The following CIITA variants were observed in gnomAD, a reference collection of about 807,000 sequenced individuals.
CIITA encodes the protein class II major histocompatibility complex transactivator, also known as MHC class II transactivator.
CIITA carries 72 observed loss-of-function variants against 115.1 expected under a neutral mutation model. The observed-to-expected ratio is 0.63, with a 90% CI of 0.52 to 0.76. The LOEUF is 0.76. Among genes scored for constraint, CIITA ranks in the 30% least tolerant of loss-of-function variants. CIITA has a pLI of 0.00. For missense variants in CIITA, 1,617 were observed against 1,463.8 expected (o/e 1.10, Z -1.71); for synonymous variants, 763 against 635.6 (o/e 1.20, Z -3.02).
chr16:10,899,039 T>C (rs1365302466), intron 5 of CIITA, 37 bp downstream of exon 5: 2 of 1,602,636 alleles, frequency 1.2e-6, no homozygotes, highest in Non-Finnish European at 1.7e-6. Flanking sequence ...CTAGCCTTGC[T>C]TGAGACCTGG....
At chr16:10,912,529 A>C (rs2039650997) in intron 13 of CIITA, among the ~76,000 whole-genome samples, 1 of 152,200 alleles carries the variant, frequency 6.6e-6, no homozygotes, top group Non-Finnish European at 1.5e-5. Context: ...GGTGAGGTTA[A>C]GTGACTTGCC....
downstream of CIITA, chr16:10,940,741 AGTGG>A (rs2041091329): frequency 6.6e-6 from 1 of 152,378 alleles, no homozygotes; most frequent in Non-Finnish European, 1.5e-5. This position sits in a 1 kb window ranked among gnomAD's most constrained non-coding sequence, Gnocchi z 4.2. Context: ...TCACATACAC[AGTGG>A]GCTGGATGCT....
At chr16:10,880,877 T>C (rs1183176164) in intron 1 of CIITA, among the ~76,000 whole-genome samples, 1 of 152,214 alleles carries the variant, frequency 6.6e-6, no homozygotes, top group Non-Finnish European at 1.5e-5. Context: ...GAGAGCTTGC[T>C]TGATGATGTC....
Position 10,906,612 on chromosome 16 carries a change from A to G in CIITA, c.1120A>G (p.Ser374Gly). The G allele has an allele frequency of 6.2e-7, 1 of 1,613,886 alleles. No individual in the cohort carries two copies. Among genetic ancestry groups the G allele is most frequent in the Non-Finnish European group, 8.5e-7 (1 of 1,180,006 alleles). The change falls in exon 11 of 20, where the codon AGC becomes GGC. Residue 374 changes from serine to glycine, a missense_variant. By Grantham distance (56) the Ser-to-Gly change is moderately conservative (BLOSUM62 0). Transcript: ENST00000324288. ...DLVQARLERS[S>G]SKSLERELAT... ...GGTGCAGGCCAGGCTGGAGAGGAGC[A>G]GCAGCAAGAGCCTGGAGCGGGAACT...
At position 10,907,902 on chromosome 16, in the gene CIITA, C is replaced by T. The variant is rs781244775; in HGVS notation, c.2410C>T (p.Arg804Trp). The change falls in exon 11 of 20, where the codon CGG becomes TGG. Residue 804 changes from arginine to tryptophan, a missense_variant. Coordinates refer to ENST00000324288, the MANE Select transcript of CIITA (RefSeq NM_000246.4). This position sits in a 1 kb window ranked among gnomAD's most constrained non-coding sequence, Gnocchi z 5.0. Reference protein sequence around the residue: ...KRLQPGTLRARQLLELLHCAH... With the variant: ...KRLQPGTLRAWQLLELLHCAH... The stretch of plus-strand genomic sequence containing the variant: ...GCTGCAGCCGGGGACACTGCGGGCG[C>T]GGCAGCTGCTGGAGCTGCTGCACTG... 3.2e-6 allele frequency: 5 copies of T among 1,584,904 alleles called. No individual in the cohort carries two copies. The highest frequency in any genetic ancestry group is 1.7e-6 in the Non-Finnish European group (2 of 1,165,764).
chr16:10,870,203 G>T (rs2035388517), intron 1 of CIITA, among the ~76,000 whole-genome samples: 2 of 133,432 alleles, frequency 1.5e-5, no homozygotes, highest in Non-Finnish European at 3.1e-5. Context: ...AAAAAGTACT[G>T]CTTTAGCTTC....
At position 10,906,523 on chromosome 16, in the gene CIITA, C is replaced by T. The variant is rs768178240; in HGVS notation, c.1031C>T (p.Ser344Leu). ...WPEPVEQFYR[S>L]LQDTYGAEPA... ...GAGCCGGTGGAGCAGTTCTACCGCT[C>T]ACTGCAGGACACGTATGGTGCCGAG... The change falls in exon 11 of 20, where the codon TCA (serine) becomes TTA (leucine). Residue 344 changes from serine (S) to leucine (L), a missense_variant. Ser to Leu is a moderately radical substitution (Grantham distance 145). Transcript: ENST00000324288. The T allele has an allele frequency of 1.2e-6, 2 of 1,612,224 alleles. No individual in the cohort carries two copies. The highest frequency in any genetic ancestry group is 1.1e-5 in the South Asian group (1 of 90,986).
rs1200105539 is a variant in CIITA at position 10,933,361 on chromosome 16, G to C, written c.*9506G>C. ...CCCTGGCGTTTTACGCGCACTGGTGGGTGAGGCTCTGAAAGTGGTAGAAGG... is the reference window on the plus strand; with the variant it reads ...CCCTGGCGTTTTACGCGCACTGGTGCGTGAGGCTCTGAAAGTGGTAGAAGG... On this transcript the variant is annotated 3_prime_UTR_variant, in exon 20 of 20. Coordinates refer to ENST00000324288, the MANE Select transcript of CIITA (RefSeq NM_000246.4). 1 of 152,360 alleles carries C rather than the reference G, an allele frequency of 6.6e-6. No homozygotes were observed. Among genetic ancestry groups the C allele is most frequent in the Admixed American group, 6.5e-5 (1 of 15,282 alleles). The allele number at this position is 152,360 out of a possible 1,614,324, so 9.4% of individuals were successfully genotyped here.
chr16:10,898,643 T>A (rs759126918), intron 3 of CIITA, 27 bp from the exon 4 acceptor site: 2 of 1,595,494 alleles, frequency 1.3e-6, no homozygotes, highest in East Asian at 2.3e-5. Context: ...CCTTGTTGAT[T>A]GACTGCGCTT....
intron 15 of CIITA, chr16:10,917,135 C>G: frequency 5.1e-6 from 1 of 194,814 alleles, no homozygotes; most frequent in Non-Finnish European, 1.1e-5. Context: ...GTTCTGGGCT[C>G]TGGGAAGTTG....
upstream of CIITA, among the ~76,000 whole-genome samples, chr16:10,872,565 T>C (rs941588190): frequency 6.6e-6 from 1 of 152,256 alleles, no homozygotes; most frequent in Admixed American, 6.5e-5. Flanking sequence ...ATATTTCCCA[T>C]GTATTTACAT....
At chr16:10,917,143 T>C (rs775200520) in intron 15 of CIITA, 9 of 192,550 alleles carry the variant, frequency 4.7e-5, no homozygotes, top group Non-Finnish European at 8.7e-5. Context: ...CTCTGGGAAG[T>C]TGGAGATGGA....
intron 1 of CIITA, among the ~76,000 whole-genome samples, chr16:10,867,840 C>A (rs2035197720): frequency 6.6e-6 from 1 of 152,302 alleles, no homozygotes; most frequent in African/African-American, 2.4e-5. Context: ...ACTACAGCCT[C>A]CATTTGCGGT....
At position 10,941,731 on chromosome 16, in the gene CIITA, G is replaced by A. The variant is rs2041105091; in HGVS notation, n.857G>A. ...GCAGTCGAGACCCTACTCCAAGTACGCATCAAAGACGTCGAGCTCCGAGTC... is the reference window on the plus strand; with the variant it reads ...GCAGTCGAGACCCTACTCCAAGTACACATCAAAGACGTCGAGCTCCGAGTC... On this transcript the variant is annotated non_coding_transcript_exon_variant, in exon 2 of 2. Coordinates refer to the CIITA transcript ENST00000573379. The surrounding 1 kb of genome is among the most constrained non-coding windows in gnomAD (Gnocchi z 6.4). 1.9e-6 allele frequency: 3 copies of A among 1,609,400 alleles called. No individual in the cohort carries two copies. The highest frequency in any genetic ancestry group is 2.7e-5 in the African/African-American group (2 of 74,762).
chr16:10,891,493 T>C (rs1185422703), intron 1 of CIITA, among the ~76,000 whole-genome samples: 1 of 152,294 alleles, frequency 6.6e-6, no homozygotes, highest in Admixed American at 6.5e-5. Flanking sequence ...GTTATAGATA[T>C]GGAATCATTT....
chr16:10,895,913 C>A (rs45601738), intron 3 of CIITA, 149 bp downstream of exon 3: 1 of 816,118 alleles, frequency 1.2e-6, no homozygotes, highest in Non-Finnish European at 2.0e-6. Flanking sequence ...GCTGGAGGAA[C>A]GGAGACTCCA....
chr16:10,910,400 C>G (rs2039480150), intron 13 of CIITA, 141 bp downstream of exon 13: 1 of 792,298 alleles, frequency 1.3e-6, no homozygotes, highest in African/African-American at 1.7e-5. Context: ...TAGCTTCCAG[C>G]AGCTGGAAAG....
Position 10,903,778 on chromosome 16 carries a change from G to C in CIITA, c.820G>C (p.Val274Leu). Residue 274 changes from valine to leucine, a missense_variant, in exon 9 of 20, where the codon GTC (valine) becomes CTC (leucine). By Grantham distance (32) the Val-to-Leu change is conservative (BLOSUM62 1). Transcript: ENST00000324288. Reference protein sequence around the residue: ...SQVPPPSGFTVHGLPTSPDRP... With the variant: ...SQVPPPSGFTLHGLPTSPDRP... ...AGTACCCCCTCCCAGTGGATTCACTGTCCACGGCCTCCCAACATCTCCAGA... is the reference window on the plus strand; with the variant it reads ...AGTACCCCCTCCCAGTGGATTCACTCTCCACGGCCTCCCAACATCTCCAGA... The C allele has an allele frequency of 6.2e-7, 1 of 1,614,172 alleles. No homozygotes were observed. The highest frequency in any genetic ancestry group is 1.1e-5 in the South Asian group (1 of 91,090).
chr16:10,936,331 T>A lies in CIITA; in HGVS notation c.*12476T>A, dbSNP rs770814565. ...TTAGATTTGCTGATTTTGACAACCCTACTGTGGTTATGCAAATTTGTCCTT... is the reference window on the plus strand; with the variant it reads ...TTAGATTTGCTGATTTTGACAACCCAACTGTGGTTATGCAAATTTGTCCTT... On this transcript the variant is annotated 3_prime_UTR_variant, in exon 20 of 20. Coordinates refer to ENST00000324288, the MANE Select transcript of CIITA (RefSeq NM_000246.4). The A allele has an allele frequency of 3.3e-5, 5 of 152,208 alleles. No individual in the cohort carries two copies. The highest frequency in any genetic ancestry group is 7.2e-5 in the African/African-American group (3 of 41,456). 9.4% of individuals were successfully genotyped at this position (152,208 alleles called of 1,614,324 possible).
Sources: gnomAD v4.1 joint callset for allele counts (sites outside exome capture counted in the v4.1 genomes callset) on GRCh38, gnomAD v4.1.1 for gene constraint, Gnocchi (gnomAD v3.1) non-coding constraint, MANE v1.5 for transcripts, NCBI Gene and HGNC (gene_info 2026-07-23, HGNC 2026-07-21) for gene names.